Variants in PTK2B observed in about 807,000 individuals in gnomAD.
The protein encoded by PTK2B is protein-tyrosine kinase 2-beta.
In PTK2B, 71 loss-of-function variants were observed where a neutral mutation model predicts 142.9. That is an observed-to-expected ratio of 0.50 (90% CI 0.41 to 0.61). The LOEUF is 0.61. Among genes scored for constraint, PTK2B ranks in the 20% least tolerant of loss-of-function variants. PTK2B has a pLI of 0.00. For missense variants in PTK2B, 1,105 were observed against 1,320.4 expected (o/e 0.84, Z 2.53); for synonymous variants, 519 against 503.4 (o/e 1.03, Z -0.42).
intron 1 of PTK2B, among the ~76,000 whole-genome samples, chr8:27,344,384 C>A (rs58485326): frequency 6.6e-6 from 1 of 152,202 alleles, no homozygotes; most frequent in African/African-American, 2.4e-5. Flanking sequence ...AGCCATGTGA[C>A]CTCAGCACCT....
intron 1 of PTK2B, among the ~76,000 whole-genome samples, chr8:27,369,490 T>C (rs1411953935): frequency 1.3e-3 from 173 of 134,060 alleles, no homozygotes; most frequent in Middle Eastern, 5.6e-3. Context: ...GCCAACATGG[T>C]AAAACCCCAT....
rs113250167 is a variant in PTK2B at position 27,422,155 on chromosome 8, C to G, written c.472-149C>G. 37 of 653,082 alleles carry G rather than the reference C, an allele frequency of 5.7e-5. No individual in the cohort carries two copies. The East Asian group carries it at 1.2e-3, about 21-fold the overall frequency. 40.5% of individuals were successfully genotyped at this position (653,082 alleles called of 1,614,324 possible). On this transcript the variant is annotated intron_variant, in intron 4 of 30. Transcript: ENST00000346049. The stretch of plus-strand genomic sequence containing the variant: ...GGCACAAGCACCCTTTCCCCTCGTG[C>G]TCTCCATCCCTGCTCCATGCTTGTT...
chr8:27,366,154 A>G (rs950569219), intron 1 of PTK2B, among the ~76,000 whole-genome samples: 1 of 152,188 alleles, frequency 6.6e-6, no homozygotes, highest in Non-Finnish European at 1.5e-5. Flanking sequence ...GAAGCAAATC[A>G]TGGCTCTTGG....
intron 1 of PTK2B, among the ~76,000 whole-genome samples, chr8:27,392,557 G>T (rs1265089524): frequency 1.3e-5 from 2 of 152,112 alleles, no homozygotes; most frequent in Non-Finnish European, 2.9e-5. Flanking sequence ...GGAAAATGAG[G>T]CTGGGATAGG....
intron 5 of PTK2B, among the ~76,000 whole-genome samples, chr8:27,423,299 T>C (rs1157787624): frequency 6.6e-6 from 1 of 152,130 alleles, no homozygotes; most frequent in Non-Finnish European, 1.5e-5. Context: ...GCAGCACCAT[T>C]GAGTTTCACC....
chr8:27,392,288 T>C (rs1036206038), intron 1 of PTK2B, among the ~76,000 whole-genome samples: 26 of 151,260 alleles, frequency 1.7e-4, no homozygotes, highest in African/African-American at 5.4e-4. Context: ...ACTACGGAAA[T>C]TGGCAAGTTC....
At chr8:27,322,488 A>G (rs746469706), upstream of PTK2B, 9 of 152,198 alleles carry the variant, frequency 5.9e-5, no homozygotes, top group South Asian at 8.3e-4. Flanking sequence ...CACTTGATAA[A>G]CTATATGGCA....
At chr8:27,337,621 T>C (rs952600674) in intron 1 of PTK2B, among the ~76,000 whole-genome samples, 24 of 152,270 alleles carry the variant, frequency 1.6e-4, no homozygotes, top group African/African-American at 5.5e-4. Flanking sequence ...CTGTGGCCTT[T>C]CGCGACGGCT....
chr8:27,432,856 T>TCG, intron 10 of PTK2B, among the ~76,000 whole-genome samples: 1 of 152,040 alleles, frequency 6.6e-6, no homozygotes, highest in Non-Finnish European at 1.5e-5. Flanking sequence ...AGACAAAGTC[T>TCG]CACTCTGTCA....
chr8:27,367,246 T>C (rs535693717), intron 1 of PTK2B, among the ~76,000 whole-genome samples: 1 of 152,348 alleles, frequency 6.6e-6, no homozygotes, highest in South Asian at 2.1e-4. Context: ...CTGTGAGGCC[T>C]GGGCCCAGTG....
chr8:27,356,199 T>C (rs141147430), intron 1 of PTK2B, among the ~76,000 whole-genome samples: 27 of 152,290 alleles, frequency 1.8e-4, no homozygotes, highest in African/African-American at 5.8e-4. Flanking sequence ...CAATGTGTTA[T>C]GATCGCAGGT....
At chr8:27,427,039 C>A (rs1419345869) in intron 5 of PTK2B, among the ~76,000 whole-genome samples, 2 of 152,194 alleles carry the variant, frequency 1.3e-5, no homozygotes, top group Non-Finnish European at 2.9e-5. Flanking sequence ...GGAGACCACT[C>A]TCCGTCGTGG....
chr8:27,313,832 G>T (rs1377190827), intron 3 of PTK2B, among the ~76,000 whole-genome samples: 1 of 152,178 alleles, frequency 6.6e-6, no homozygotes, highest in Non-Finnish European at 1.5e-5. Flanking sequence ...AATTGCCTAT[G>T]CCTGGCACCT....
intron 20 of PTK2B, among the ~76,000 whole-genome samples, chr8:27,439,932 G>A (rs1265076659): frequency 2.0e-5 from 3 of 152,192 alleles, no homozygotes; most frequent in African/African-American, 7.2e-5. Context: ...TTACTAAGGA[G>A]TGGCTCCCCT....
At chr8:27,313,108 C>G (rs1163013427) in intron 2 of PTK2B, 1 of 152,168 alleles carries the variant, frequency 6.6e-6, no homozygotes, top group African/African-American at 2.4e-5. Context: ...TGGTTTTCCC[C>G]CCATGCTGTT....
chr8:27,320,603 A>G (rs1803190178), upstream of PTK2B, among the ~76,000 whole-genome samples: 1 of 152,116 alleles, frequency 6.6e-6, no homozygotes, highest in Non-Finnish European at 1.5e-5. Context: ...TCCTTTATTA[A>G]AAAAGATATT....
At chr8:27,350,037 G>A (rs986749394) in intron 1 of PTK2B, among the ~76,000 whole-genome samples, 2 of 152,220 alleles carry the variant, frequency 1.3e-5, no homozygotes, top group Non-Finnish European at 2.9e-5. Flanking sequence ...ATCCTAGCAT[G>A]GAAATGTATA....
intron 11 of PTK2B, 66 bp downstream of exon 11, chr8:27,433,618 G>A (rs150816805): frequency 7.8e-5 from 107 of 1,373,142 alleles, no homozygotes; most frequent in African/African-American, 7.3e-4. Flanking sequence ...CCCCAGAGGC[G>A]GAGTGGCAGA....
intron 9 of PTK2B, among the ~76,000 whole-genome samples, chr8:27,431,936 A>T (rs1810453383): frequency 6.6e-6 from 1 of 151,970 alleles, no homozygotes; most frequent in South Asian, 2.1e-4. Context: ...ATGGCTTTGA[A>T]TGCAGCCCAC....
Sources: allele counts gnomAD v4.1 joint callset (sites outside exome capture counted in the v4.1 genomes callset), GRCh38; gene constraint gnomAD v4.1.1; transcripts MANE v1.5; gene names NCBI Gene and HGNC (gene_info 2026-07-23, HGNC 2026-07-21).